The following LRRK2 variants were observed in gnomAD, a reference collection of about 807,000 sequenced individuals.
The protein encoded by LRRK2 is leucine rich repeat kinase 2.
LRRK2 carries 203 observed loss-of-function variants against 302.6 expected under a neutral mutation model. The ratio of observed to expected loss-of-function variants is 0.67; its 90% CI spans 0.60 to 0.75. The LOEUF (loss-of-function observed/expected upper bound fraction) is 0.75. Ranked by LOEUF, LRRK2 falls within the 30% of genes least tolerant of loss-of-function variation. LRRK2 has a pLI of 0.00. For missense variants in LRRK2, 2,830 were observed against 2,951.0 expected (o/e 0.96, Z 0.95); for synonymous variants, 1,066 against 1,031.9 (o/e 1.03, Z -0.63).
rs202179802 is a variant in LRRK2 at position 40,359,344 on chromosome 12, A to G, written c.6928A>G (p.Thr2310Ala). 144 of 1,613,252 alleles carry G rather than the reference A, an allele frequency of 8.9e-5. No homozygotes were observed. The highest frequency in any genetic ancestry group is 1.1e-4 in the Non-Finnish European group (133 of 1,179,622). Residue 2310 changes from threonine to alanine, a missense_variant, in exon 47 of 51, where the codon ACG becomes GCG. Thr to Ala is a moderately conservative substitution (Grantham distance 58, BLOSUM62 0). Transcript: ENST00000298910. ...GTGTTTGAGTGAATCCACAAATTCAACGGAAAGAAATGTAATGTGGGGAGG... is the reference window on the plus strand; with the variant it reads ...GTGTTTGAGTGAATCCACAAATTCAGCGGAAAGAAATGTAATGTGGGGAGG... Reference protein sequence around the residue: ...LMCLSESTNSTERNVMWGGCG... With the variant: ...LMCLSESTNSAERNVMWGGCG...
chr12:40,248,772 A>G (rs1942124961), intron 7 of LRRK2, among the ~76,000 whole-genome samples: 1 of 152,206 alleles, frequency 6.6e-6, no homozygotes, highest in South Asian at 2.1e-4. Context: ...TCAGTGACCG[A>G]ACAGCTGTTG....
Position 40,367,713 on chromosome 12 carries a change from T to A in LRRK2, c.7532T>A (p.Ile2511Asn), listed in dbSNP as rs201312806. 5.0e-6 allele frequency: 8 copies of A among 1,604,706 alleles called. No homozygotes were observed. The highest frequency in any genetic ancestry group is 2.2e-5 in the South Asian group (2 of 90,152). The change falls in exon 51 of 51, where the codon ATT becomes AAT. Residue 2511 changes from isoleucine to asparagine, a missense_variant. Transcript: ENST00000298910. ...PHEVQNLEKH[I>N]EVRKELAEKM... ...GAAGTGCAAAATTTAGAAAAACACA[T>A]TGAAGTGAGAAAAGAATTAGCTGAA...
chr12:40,352,615 G>T (rs140899349), intron 44 of LRRK2, among the ~76,000 whole-genome samples: 7 of 150,972 alleles, frequency 4.6e-5, no homozygotes, highest in South Asian at 4.3e-4. Context: ...GCGGCCTTCC[G>T]TAGTGTTTGT....
chr12:40,317,026 A>G (rs1018422175), intron 33 of LRRK2, among the ~76,000 whole-genome samples: 3 of 152,092 alleles, frequency 2.0e-5, no homozygotes, highest in African/African-American at 7.2e-5. Context: ...TATCTTATAC[A>G]GTAGAATAAG....
At chr12:40,270,742 A>G (rs1943197090) in intron 14 of LRRK2, among the ~76,000 whole-genome samples, 1 of 152,120 alleles carries the variant, frequency 6.6e-6, no homozygotes, top group African/African-American at 2.4e-5. Context: ...TTCTAGCTAT[A>G]CATTCAACTT....
intron 7 of LRRK2, among the ~76,000 whole-genome samples, chr12:40,248,533 T>G (rs189098260): frequency 6.6e-6 from 1 of 152,296 alleles, no homozygotes; most frequent in Admixed American, 6.5e-5. Flanking sequence ...GGTAGAGAAT[T>G]TATTGTTGCT....
intron 16 of LRRK2, among the ~76,000 whole-genome samples, chr12:40,277,658 A>G (rs1943516844): frequency 6.6e-6 from 1 of 152,110 alleles, no homozygotes; most frequent in South Asian, 2.1e-4. Context: ...TTGCTACTGA[A>G]TGGTTTGTTA....
chr12:40,231,576 C>CAAAAAAAAAAAAAAAA (rs71078231), intron 2 of LRRK2, among the ~76,000 whole-genome samples: 2 of 105,884 alleles, frequency 1.9e-5, no homozygotes, highest in African/African-American at 3.9e-5. Context: ...AAAACAAAAC[C>CAAAAAAAAAAAAAAAA]AAAAAAAAAA....
At chr12:40,349,700 A>C (rs1946297983) in intron 43 of LRRK2, among the ~76,000 whole-genome samples, 1 of 151,178 alleles carries the variant, frequency 6.6e-6, no homozygotes, top group Admixed American at 6.6e-5. Flanking sequence ...ATTTTTTTGT[A>C]GAGAAAGGGT....
At chr12:40,301,546 G>A (rs907112157) in intron 25 of LRRK2, among the ~76,000 whole-genome samples, 5 of 152,078 alleles carry the variant, frequency 3.3e-5, no homozygotes, top group African/African-American at 1.2e-4. Flanking sequence ...GAATCATTTC[G>A]ATTCATTTAT....
In LRRK2 at chr12:40,259,599, T is replaced by C; in HGVS notation, c.1538T>C (p.Val513Ala). 1 of 1,613,102 alleles carries C rather than the reference T, an allele frequency of 6.2e-7. No homozygotes were observed. The part of the protein sequence containing the change: ...EALRAILHFI[V>A]PGMPEESRED... ...CTTCGAGCTATTTTACATTTTATAG[T>C]GCCTGGTAAGTTACATAGTTGATTG... is the stretch of plus-strand genomic sequence containing the variant. The change falls in exon 13 of 51, where the codon GTG becomes GCG. Residue 513 changes from valine to alanine, a missense_variant. Coordinates refer to ENST00000298910, the MANE Select transcript of LRRK2 (RefSeq NM_198578.4).
chr12:40,303,028 G>A, intron 26 of LRRK2, 146 bp downstream of exon 26: 1 of 618,294 alleles, frequency 1.6e-6, no homozygotes, highest in Non-Finnish European at 2.9e-6. Flanking sequence ...ATTTTCACTA[G>A]ATAAAAGACC....
At chr12:40,359,466 C>T (rs1946638841) in intron 47 of LRRK2, 22 bp downstream of exon 47, 1 of 1,597,914 alleles carries the variant, frequency 6.3e-7, no homozygotes, top group East Asian at 2.2e-5. Flanking sequence ...TTTATCTGTA[C>T]AAGTAATTTA....
At chr12:40,277,741 T>C (rs564973252) in intron 16 of LRRK2, 147 bp from the exon 17 acceptor site, 2 of 708,862 alleles carry the variant, frequency 2.8e-6, no homozygotes, top group South Asian at 3.8e-5. Flanking sequence ...ATTTACAGGA[T>C]AAATACTTTA....
At chr12:40,296,043 T>C (rs960824326) in intron 23 of LRRK2, among the ~76,000 whole-genome samples, 11 of 152,220 alleles carry the variant, frequency 7.2e-5, no homozygotes, top group Non-Finnish European at 8.8e-5. Context: ...AATATGAACA[T>C]GTCACTCCGC....
At chr12:40,347,541 G>A (rs1440772934) in intron 42 of LRRK2, among the ~76,000 whole-genome samples, 1 of 152,200 alleles carries the variant, frequency 6.6e-6, no homozygotes, top group Admixed American at 6.5e-5. Context: ...GCCATGTACA[G>A]GAAATAGAGC....
intron 40 of LRRK2, among the ~76,000 whole-genome samples, chr12:40,335,997 A>G (rs541776882): frequency 6.6e-6 from 1 of 152,294 alleles, no homozygotes; most frequent in South Asian, 2.1e-4. Context: ...CTGAGCCAGT[A>G]TCATCTCTCA....
rs555867508 is a variant in LRRK2 at position 40,245,332 on chromosome 12, T to C, written c.838+1651T>C. ...TCACCTGTTTCCCAGTCATGTGGTA[T>C]ATAAATATGTAAACATATATGCTTA... On this transcript the variant is annotated intron_variant, in intron 7 of 50. Transcript: ENST00000298910. Among the ~76,000 whole-genome samples the C allele has an allele frequency of 5.3e-5, 8 of 152,286 alleles. No individual in the cohort carries two copies. In the South Asian group the frequency reaches 1.7e-3, roughly 32 times the overall value.
At chr12:40,351,419 C>A (rs1946347336) in intron 43 of LRRK2, 120 bp from the exon 44 acceptor site, 1 of 820,428 alleles carries the variant, frequency 1.2e-6, no homozygotes, top group East Asian at 2.6e-5. Context: ...TAGTTGGGTT[C>A]CAGTTTAACA....
Sources: allele counts gnomAD v4.1 joint callset (sites outside exome capture counted in the v4.1 genomes callset), GRCh38; gene constraint gnomAD v4.1.1; transcripts MANE v1.5; gene names NCBI Gene and HGNC (gene_info 2026-07-23, HGNC 2026-07-21).